CNTN4: variants seen among roughly 807,000 people sequenced by gnomAD.
The protein encoded by CNTN4 is contactin 4.
Under a neutral mutation model 122.5 loss-of-function variants are expected in CNTN4, and 77 were observed. The observed-to-expected ratio is 0.63, with a 90% CI of 0.52 to 0.76. The LOEUF is 0.76. Ranked by LOEUF, CNTN4 falls within the 30% of genes least tolerant of loss-of-function variation. The pLI, the probability that CNTN4 is intolerant of heterozygous loss-of-function variation, is 0.00. For missense variants in CNTN4, 1,256 were observed against 1,259.1 expected (o/e 1.00, Z 0.04); for synonymous variants, 512 against 447.0 (o/e 1.15, Z -1.83).
chr3:3,038,224 C>A (rs1410668939), intron 18 of CNTN4, among the ~76,000 whole-genome samples: 1 of 152,144 alleles, frequency 6.6e-6, no homozygotes, highest in African/African-American at 2.4e-5. Flanking sequence ...GCTTTCTTTT[C>A]CCCTTCCAAA....
chr3:2,167,935 G>T (rs768857049), intron 2 of CNTN4, among the ~76,000 whole-genome samples: 1 of 152,086 alleles, frequency 6.6e-6, no homozygotes, highest in East Asian at 1.9e-4. Flanking sequence ...GAGGCTAGGC[G>T]TTCAACAGAC....
At chr3:2,921,452 G>A (rs985536412) in intron 12 of CNTN4, among the ~76,000 whole-genome samples, 1 of 152,146 alleles carries the variant, frequency 6.6e-6, no homozygotes, top group African/African-American at 2.4e-5. Context: ...AAGAAATTTG[G>A]GGTCTCATAA....
intron 8 of CNTN4, among the ~76,000 whole-genome samples, chr3:2,878,998 A>T (rs1057319432): frequency 6.6e-6 from 1 of 152,202 alleles, no homozygotes; most frequent in African/African-American, 2.4e-5. Flanking sequence ...CCAAATGCCC[A>T]TCAACTGGTG....
intron 2 of CNTN4, among the ~76,000 whole-genome samples, chr3:2,258,962 A>G (rs2040712395): frequency 6.6e-6 from 1 of 151,966 alleles, no homozygotes; most frequent in African/African-American, 2.4e-5. Flanking sequence ...TTCATTTATT[A>G]TTTCATTTGT....
intron 7 of CNTN4, among the ~76,000 whole-genome samples, chr3:2,831,878 T>C (rs1211724956): frequency 1.3e-5 from 2 of 152,210 alleles, no homozygotes; most frequent in African/African-American, 4.8e-5. Context: ...TTTTAGGTGT[T>C]TGAAGCCCAG....
At chr3:2,630,487 T>C (rs556877497) in intron 4 of CNTN4, among the ~76,000 whole-genome samples, 1 of 152,322 alleles carries the variant, frequency 6.6e-6, no homozygotes, top group South Asian at 2.1e-4. Flanking sequence ...ATATCTATCT[T>C]ACTAAAACAT....
At chr3:2,207,332 C>T (rs2038406293) in intron 2 of CNTN4, among the ~76,000 whole-genome samples, 1 of 152,064 alleles carries the variant, frequency 6.6e-6, no homozygotes, top group African/African-American at 2.4e-5. Flanking sequence ...AATGATTAAG[C>T]TTAGTGAGGA....
At chr3:2,231,383 C>A (rs977718744) in intron 2 of CNTN4, among the ~76,000 whole-genome samples, 3 of 152,152 alleles carry the variant, frequency 2.0e-5, no homozygotes, top group African/African-American at 7.2e-5. Context: ...TTAACTCCCC[C>A]ACATTTTGTC....
intron 4 of CNTN4, among the ~76,000 whole-genome samples, chr3:2,580,364 A>C (rs780746619): frequency 1.3e-5 from 2 of 152,128 alleles, no homozygotes; most frequent in Non-Finnish European, 2.9e-5. Flanking sequence ...TACTTCCAGT[A>C]GTTTATCAAG....
intron 7 of CNTN4, among the ~76,000 whole-genome samples, chr3:2,845,244 C>G (rs2093435006): frequency 6.6e-6 from 1 of 152,142 alleles, no homozygotes; most frequent in East Asian, 1.9e-4. Flanking sequence ...CAGATCTTGT[C>G]ACAACTCTTT....
intron 3 of CNTN4, among the ~76,000 whole-genome samples, chr3:2,423,025 G>A (rs915260060): frequency 6.6e-6 from 1 of 152,152 alleles, no homozygotes; most frequent in Non-Finnish European, 1.5e-5. Context: ...TAGGGTTTTA[G>A]CATGTAAAGC....
intron 3 of CNTN4, among the ~76,000 whole-genome samples, chr3:2,568,290 G>A (rs1282856201): frequency 7.0e-6 from 1 of 143,850 alleles, no homozygotes; most frequent in Non-Finnish European, 1.5e-5. Flanking sequence ...GAAGGGTTGA[G>A]GGAAGTTTTG....
chr3:2,258,078 A>G (rs1240981904), intron 2 of CNTN4, among the ~76,000 whole-genome samples: 3 of 152,130 alleles, frequency 2.0e-5, no homozygotes, highest in South Asian at 2.1e-4. Flanking sequence ...CAATCAATCA[A>G]TCAATCAGGA....
chr3:2,947,402 C>G (rs2094690248), intron 13 of CNTN4, among the ~76,000 whole-genome samples: 1 of 152,184 alleles, frequency 6.6e-6, no homozygotes, highest in South Asian at 2.1e-4. Context: ...GCTTGTACAT[C>G]TAGATCTAGC....
At chr3:2,685,546 G>A (rs1244278758) in intron 4 of CNTN4, among the ~76,000 whole-genome samples, 2 of 152,068 alleles carry the variant, frequency 1.3e-5, no homozygotes, top group African/African-American at 4.8e-5. Flanking sequence ...AAACAAATGT[G>A]GCTGTTTTGA....
Position 2,702,247 on chromosome 3 carries a change from G to C in CNTN4, c.56-33968G>C, listed in dbSNP as rs531259535. Reference sequence around the variant, plus strand: ...TACTGTGACAGCACCCATAAGTGAAGAGGTAATGCCACCAAAGGAAACCAG... The same window carrying C: ...TACTGTGACAGCACCCATAAGTGAACAGGTAATGCCACCAAAGGAAACCAG... On this transcript the variant is annotated intron_variant, in intron 4 of 24. Coordinates refer to ENST00000418658, the MANE Select transcript of CNTN4 (RefSeq NM_175607.3). Among the ~76,000 whole-genome samples the C allele has an allele frequency of 3.3e-5, 5 of 152,306 alleles. No individual in the cohort carries two copies. The East Asian group carries it at 9.6e-4, about 29-fold the overall frequency.
chr3:2,836,630 G>A (rs1011473418), intron 7 of CNTN4, among the ~76,000 whole-genome samples: 47 of 152,100 alleles, frequency 3.1e-4, no homozygotes, highest in African/African-American at 1.1e-3. Flanking sequence ...TATAAAATGA[G>A]ATAGAAGTTT....
At chr3:2,583,139 A>T (rs1005879960) in intron 4 of CNTN4, among the ~76,000 whole-genome samples, 2 of 152,252 alleles carry the variant, frequency 1.3e-5, no homozygotes, top group African/African-American at 4.8e-5. Context: ...ATGGAAACAA[A>T]TGTCAAAACA....
intron 4 of CNTN4, among the ~76,000 whole-genome samples, chr3:2,669,298 C>G (rs549798885): frequency 6.6e-6 from 1 of 152,288 alleles, no homozygotes; most frequent in East Asian, 1.9e-4. Flanking sequence ...AGAGATTCAA[C>G]TTCTTCCTGG....
Sources: allele counts gnomAD v4.1 joint callset (sites outside exome capture counted in the v4.1 genomes callset), GRCh38; gene constraint gnomAD v4.1.1; transcripts MANE v1.5; gene names NCBI Gene and HGNC (gene_info 2026-07-23, HGNC 2026-07-21).